The following TMEM143 variants were observed in gnomAD, a reference collection of about 807,000 sequenced individuals.
TMEM143 encodes the protein transmembrane protein 143.
TMEM143 carries 45 observed loss-of-function variants against 40.3 expected under a neutral mutation model. The observed-to-expected ratio is 1.12, with a 90% CI of 0.88 to 1.43. The LOEUF is 1.43. Ranked by LOEUF, TMEM143 falls within the 40% of genes most tolerant of loss-of-function variation. The pLI, the probability that TMEM143 is intolerant of heterozygous loss-of-function variation, is 0.00. For missense variants in TMEM143, 620 were observed against 613.4 expected (o/e 1.01, Z -0.11); for synonymous variants, 299 against 282.7 (o/e 1.06, Z -0.58).
Position 48,333,336 on chromosome 19 carries a change from C to T in TMEM143, c.1263G>A (p.Leu421=). ...ATCCCATGCTGGGGGTCAGGGCCTG[C>T]AGATGCGCCAGGGCCCGAGTTCCGT... ...TFNGTRALAH[L]QALTPSMGLY... is the part of the protein sequence containing the mutation. The change falls in exon 8 of 8, where the codon CTG becomes CTA. Residue 421 remains leucine (L), a synonymous_variant. Transcript: ENST00000293261. The surrounding 1 kb of genome is among the most constrained non-coding windows in gnomAD (Gnocchi z 4.1). 1 of 1,609,656 alleles carries T rather than the reference C, an allele frequency of 6.2e-7. No homozygotes were observed. Among genetic ancestry groups the T allele is most frequent in the Non-Finnish European group, 8.5e-7 (1 of 1,176,980 alleles).
intron 6 of TMEM143, among the ~76,000 whole-genome samples, chr19:48,337,215 A>G (rs946261589): frequency 3.3e-5 from 5 of 151,998 alleles, no homozygotes; most frequent in African/African-American, 1.2e-4. Flanking sequence ...CAACAATGCC[A>G]ATGCCAGGGA....
At chr19:48,339,380 G>A (rs563846010) in intron 6 of TMEM143, among the ~76,000 whole-genome samples, 3 of 152,192 alleles carry the variant, frequency 2.0e-5, no homozygotes, top group Non-Finnish European at 4.4e-5. Flanking sequence ...GAGAGCTCCT[G>A]TGGAAACCAC....
At chr19:48,341,591 T>C (rs1600901576) in intron 6 of TMEM143, among the ~76,000 whole-genome samples, 1 of 152,278 alleles carries the variant, frequency 6.6e-6, no homozygotes, top group East Asian at 1.9e-4. Context: ...TCCTGTGCCA[T>C]GTGGGAGGCT....
intron 2 of TMEM143, among the ~76,000 whole-genome samples, chr19:48,361,838 C>T (rs1402739493): frequency 6.6e-6 from 1 of 152,190 alleles, no homozygotes; most frequent in Non-Finnish European, 1.5e-5. Context: ...TGAACCACTT[C>T]TTTATGTTTC....
chr19:48,363,908 G>T lies in TMEM143; in HGVS notation c.13C>A (p.Leu5Ile), dbSNP rs199932734. 1 of 1,613,864 alleles carries T rather than the reference G, an allele frequency of 6.2e-7. No individual in the cohort carries two copies. The highest frequency in any genetic ancestry group is 8.5e-7 in the Non-Finnish European group (1 of 1,179,836). Residue 5 changes from leucine (L) to isoleucine (I), a missense_variant, in exon 1 of 8, where the codon CTT becomes ATT. Coordinates refer to ENST00000293261, the MANE Select transcript of TMEM143 (RefSeq NM_018273.4). MTVE[L>I]WLRLRGKGLA... is the part of the protein sequence containing the mutation. ...CGATTTCTCCCTCACCTTAGCCAAAGCTCGACTGTCATTGAGCCTCCTGCG... is the reference window on the plus strand; with the variant it reads ...CGATTTCTCCCTCACCTTAGCCAAATCTCGACTGTCATTGAGCCTCCTGCG...
intron 3 of TMEM143, 91 bp from the exon 4 acceptor site, chr19:48,345,445 C>CATTTATTTATTTATTTATTTATTTATTT (rs146325765): frequency 4.7e-6 from 3 of 642,104 alleles, no homozygotes; most frequent in Non-Finnish European, 6.8e-6. Context: ...CAGATACTTT[C>CATTTATTTATTTATTTATTTATTTATTT]ATTTATTTAT....
intron 6 of TMEM143, among the ~76,000 whole-genome samples, chr19:48,340,217 C>G (rs770449781): frequency 6.7e-6 from 1 of 150,124 alleles, no homozygotes; most frequent in Non-Finnish European, 1.5e-5. Flanking sequence ...ACCTCTGCCC[C>G]CTGGGTTCAA....
At chr19:48,343,176 G>A in intron 5 of TMEM143, 145 bp downstream of exon 5, 1 of 1,051,790 alleles carries the variant, frequency 9.5e-7, no homozygotes, top group South Asian at 1.7e-5. Context: ...GAGAAGAAAA[G>A]ACAGCATTTG....
chr19:48,363,742 C>T (rs1025118068), intron 1 of TMEM143, 156 bp downstream of exon 1: 2 of 1,410,786 alleles, frequency 1.4e-6, no homozygotes, highest in African/African-American at 2.9e-5. Context: ...GGTTCTGGGG[C>T]GTTTTTCAGG....
chr19:48,348,363 G>A (rs982555639), intron 3 of TMEM143, among the ~76,000 whole-genome samples: 1 of 151,926 alleles, frequency 6.6e-6, no homozygotes, highest in Non-Finnish European at 1.5e-5. Flanking sequence ...CAAGCAGACC[G>A]CACTTCACCC....
At chr19:48,350,150 G>T (rs906397314) in intron 3 of TMEM143, among the ~76,000 whole-genome samples, 1 of 151,280 alleles carries the variant, frequency 6.6e-6, no homozygotes, top group African/African-American at 2.4e-5. Context: ...ACAGGAGCCC[G>T]CTACCATGCC....
At chr19:48,335,331 C>T (rs568587298) in intron 6 of TMEM143, among the ~76,000 whole-genome samples, 19 of 152,320 alleles carry the variant, frequency 1.2e-4, no homozygotes, top group African/African-American at 4.1e-4. Flanking sequence ...GTAATCCCAA[C>T]GCTGAGAGGC....
intron 3 of TMEM143, among the ~76,000 whole-genome samples, chr19:48,352,898 T>A (rs1232079173): frequency 6.6e-6 from 1 of 152,132 alleles, no homozygotes; most frequent in Non-Finnish European, 1.5e-5. Context: ...GTTACAGGCA[T>A]AAGCCACTGT....
intron 3 of TMEM143, among the ~76,000 whole-genome samples, chr19:48,357,245 C>G (rs933045465): frequency 6.6e-6 from 1 of 151,888 alleles, no homozygotes; most frequent in Non-Finnish European, 1.5e-5. Flanking sequence ...GCGTGAGTCA[C>G]CGCGCCCGGC....
At chr19:48,360,297 G>A (rs891655892) in intron 2 of TMEM143, 121 bp from the exon 3 acceptor site, 1 of 1,024,216 alleles carries the variant, frequency 9.8e-7, no homozygotes, top group Non-Finnish European at 1.5e-6. Context: ...TTTGTTCTGG[G>A]GCTGGGCGCA....
At position 48,334,602 on chromosome 19, in the gene TMEM143, G is replaced by A. The variant is rs1484653942; in HGVS notation, c.976-405C>T. On this transcript the variant is annotated intron_variant, in intron 6 of 7. Coordinates refer to ENST00000293261, the MANE Select transcript of TMEM143 (RefSeq NM_018273.4). The stretch of plus-strand genomic sequence containing the variant: ...TTTCTTTCCTTTTTTTTTTTTTTTC[G>A]ACAGGGTCTCGCCCTGTAGCCCAGT... 7.8e-5 allele frequency among the ~76,000 whole-genome samples: 6 copies of A among 77,216 alleles called. No homozygotes were observed. In the East Asian group the frequency reaches 2.4e-3, roughly 31 times the overall value. The allele number at this position is 77,216 out of a possible 152,430, so 50.7% of individuals were successfully genotyped here. A position where few individuals can be genotyped will look rare whatever the true frequency, so the allele number is the denominator to read the frequency against.
intron 1 of TMEM143, 40 bp from the exon 2 acceptor site, chr19:48,363,571 G>A (rs201849395): frequency 2.2e-5 from 35 of 1,556,348 alleles, no homozygotes; most frequent in Admixed American, 1.6e-4. Flanking sequence ...AGGCCATCTA[G>A]AGGAAAAGCG....
At chr19:48,335,016 A>G (rs1399386112) in intron 6 of TMEM143, among the ~76,000 whole-genome samples, 1 of 152,198 alleles carries the variant, frequency 6.6e-6, no homozygotes, top group Non-Finnish European at 1.5e-5. Context: ...ATTTACCCAA[A>G]GGTTTGCAGA....
chr19:48,347,924 G>A (rs1969676931), intron 3 of TMEM143, among the ~76,000 whole-genome samples: 1 of 150,696 alleles, frequency 6.6e-6, no homozygotes, highest in Non-Finnish European at 1.5e-5. Context: ...GGGAGGTTGA[G>A]GTTGGAGGAT....
Sources: allele counts gnomAD v4.1 joint callset (sites outside exome capture counted in the v4.1 genomes callset), GRCh38; gene constraint gnomAD v4.1.1; non-coding constraint Gnocchi (gnomAD v3.1); transcripts MANE v1.5; gene names NCBI Gene and HGNC (gene_info 2026-07-23, HGNC 2026-07-21).